Variants in CSMD3 observed in about 807,000 individuals in gnomAD.
CSMD3 encodes CUB and sushi domain-containing protein 3.
Under a neutral mutation model 435.2 loss-of-function variants are expected in CSMD3, and 177 were observed. That is an observed-to-expected ratio of 0.41 (90% CI 0.36 to 0.46). The LOEUF is 0.46. CSMD3 is among the 20% of genes least tolerant of loss of function. The pLI is 0.34. For synonymous variants in CSMD3, 1,656 were observed against 1,520.5 expected (o/e 1.09, Z -2.07); for missense variants, 4,265 against 4,504.6 (o/e 0.95, Z 1.52).
At chr8:112,609,925 A>G (rs1259611146) in intron 22 of CSMD3, among the ~76,000 whole-genome samples, 1 of 152,160 alleles carries the variant, frequency 6.6e-6, no homozygotes, top group Non-Finnish European at 1.5e-5. Context: ...AGACACACAA[A>G]GACAAATGCT....
intron 9 of CSMD3, among the ~76,000 whole-genome samples, chr8:112,926,114 C>T (rs150399112): frequency 1.3e-5 from 2 of 152,188 alleles, no homozygotes; most frequent in East Asian, 3.9e-4. Flanking sequence ...AAATAAGTAG[C>T]CTTTCCAGTA....
chr8:113,019,542 TTA>T (rs1318318505), intron 5 of CSMD3, among the ~76,000 whole-genome samples: 1 of 148,830 alleles, frequency 6.7e-6, no homozygotes, highest in Non-Finnish European at 1.5e-5. Flanking sequence ...TTATTATTTA[TTA>T]TATCTTATTT....
intron 3 of CSMD3, among the ~76,000 whole-genome samples, chr8:113,177,566 A>T (rs1055064546): frequency 6.6e-6 from 1 of 151,960 alleles, no homozygotes; most frequent in Non-Finnish European, 1.5e-5. Flanking sequence ...ATGGGATTGC[A>T]GTAGGGGAGG....
chr8:113,299,819 AC>A (rs2093750607), intron 2 of CSMD3, among the ~76,000 whole-genome samples: 1 of 151,950 alleles, frequency 6.6e-6, no homozygotes, highest in South Asian at 2.1e-4. Context: ...ACCTGGTGAA[AC>A]CCCTCTCTAC....
intron 13 of CSMD3, among the ~76,000 whole-genome samples, chr8:112,714,907 T>C (rs1487771602): frequency 1.3e-5 from 2 of 152,120 alleles, no homozygotes; most frequent in Non-Finnish European, 2.9e-5. Context: ...CCAGAATCTC[T>C]GGGACACAGC....
chr8:112,911,667 G>A (rs948208303), intron 10 of CSMD3, among the ~76,000 whole-genome samples: 1 of 125,518 alleles, frequency 8.0e-6, no homozygotes, highest in African/African-American at 3.0e-5. Context: ...GTGTGTGTGT[G>A]TATTTATGTG....
At chr8:112,721,758 A>T (rs2076863407) in intron 13 of CSMD3, among the ~76,000 whole-genome samples, 1 of 152,114 alleles carries the variant, frequency 6.6e-6, no homozygotes, top group African/African-American at 2.4e-5. Context: ...TTTTGTTTTA[A>T]TGTTTCCTAC....
At chr8:113,033,500 T>C (rs2087208498) in intron 5 of CSMD3, among the ~76,000 whole-genome samples, 1 of 151,516 alleles carries the variant, frequency 6.6e-6, no homozygotes, top group African/African-American at 2.4e-5. Flanking sequence ...AAATTTCTCA[T>C]ACTTGGAATG....
intron 53 of CSMD3, among the ~76,000 whole-genome samples, chr8:112,298,376 C>A (rs1820550376): frequency 6.6e-6 from 1 of 152,036 alleles, no homozygotes; most frequent in Admixed American, 6.6e-5. Flanking sequence ...TAAAAAAGCT[C>A]CTCAATGCTA....
chr8:112,872,515 G>A lies in CSMD3; in HGVS notation c.1634-13249C>T, dbSNP rs569365177. Among the ~76,000 whole-genome samples, 3 of 151,994 alleles carry A rather than the reference G, an allele frequency of 2.0e-5. No individual in the cohort carries two copies. The South Asian group carries it at 6.2e-4, about 32-fold the overall frequency. ...AGCAAATGCAATTCCTATGAAAGAC[G>A]AGAAATATAATGTACAGATTTTTCA... On this transcript the variant is annotated intron_variant, in intron 10 of 70. Coordinates refer to ENST00000297405, the MANE Select transcript of CSMD3 (RefSeq NM_198123.2).
chr8:112,779,504 A>G (rs989153164), intron 13 of CSMD3, among the ~76,000 whole-genome samples: 6 of 152,036 alleles, frequency 3.9e-5, no homozygotes, highest in Non-Finnish European at 2.9e-5. Flanking sequence ...ACCAAGGAGA[A>G]TGAATAATTC....
rs779592212 is a variant in CSMD3, at chr8:112,682,424, A to G, written c.2677+18T>C. On this transcript the variant is annotated intron_variant, in intron 16 of 70. Coordinates refer to ENST00000297405, the MANE Select transcript of CSMD3 (RefSeq NM_198123.2). ...TAATGATGATGAGGTTCTATTTCTC[A>G]CTCACTACTACACTTACCTCCACAT... The G allele has an allele frequency of 6.3e-7, 1 of 1,590,432 alleles. No homozygotes were observed. The highest frequency in any genetic ancestry group is 1.3e-5 in the African/African-American group (1 of 74,534).
intron 3 of CSMD3, among the ~76,000 whole-genome samples, chr8:113,185,737 A>G (rs1354031761): frequency 1.3e-5 from 2 of 149,394 alleles, no homozygotes; most frequent in Admixed American, 6.6e-5. Flanking sequence ...GTGTGCATGC[A>G]TGTGTGCATG....
At chr8:112,286,844 A>C (rs1318415808) in intron 58 of CSMD3, among the ~76,000 whole-genome samples, 1 of 152,112 alleles carries the variant, frequency 6.6e-6, no homozygotes, top group Non-Finnish European at 1.5e-5. Flanking sequence ...TGTTGTGAAC[A>C]ATGTTTGCAT....
At chr8:112,929,527 T>A (rs1384658747) in intron 9 of CSMD3, among the ~76,000 whole-genome samples, 1 of 152,150 alleles carries the variant, frequency 6.6e-6, no homozygotes, top group Non-Finnish European at 1.5e-5. Context: ...GTTTTTATTC[T>A]GCTTTGCTTT....
intron 13 of CSMD3, among the ~76,000 whole-genome samples, chr8:112,711,229 GA>G (rs2076603316): frequency 6.6e-6 from 1 of 151,690 alleles, no homozygotes; most frequent in African/African-American, 2.4e-5. Context: ...TTCACAAGAA[GA>G]AAAAAATTTT....
rs537751931 is a variant in CSMD3, at chr8:113,166,473, C to CCA, written c.709+7247_709+7248dup. ...TGAGCTGAGATTGCACCATTGTACTCCAGCTTGGGCGACAAGAGTGAAACT... is the reference window on the plus strand; with the variant it reads ...TGAGCTGAGATTGCACCATTGTACTCCACAGCTTGGGCGACAAGAGTGAAACT... On this transcript the variant is annotated intron_variant, in intron 4 of 70. Coordinates refer to ENST00000297405, the MANE Select transcript of CSMD3 (RefSeq NM_198123.2). Among the ~76,000 whole-genome samples, 43 of 152,010 alleles carry CCA rather than the reference C, an allele frequency of 2.8e-4. No individual in the cohort carries two copies. In the East Asian group the frequency reaches 7.9e-3, roughly 28 times the overall value.
intron 35 of CSMD3, among the ~76,000 whole-genome samples, chr8:112,398,513 G>A (rs1291460430): frequency 6.6e-6 from 1 of 152,164 alleles, no homozygotes; most frequent in Non-Finnish European, 1.5e-5. Flanking sequence ...GCAGTTCTTT[G>A]CCTGGGCAGA....
At chr8:113,412,164 T>C (rs2094562648) in intron 1 of CSMD3, among the ~76,000 whole-genome samples, 2 of 152,122 alleles carry the variant, frequency 1.3e-5, no homozygotes. Context: ...GAAATGTTTA[T>C]TAAGTCAATC....
Sources: allele counts gnomAD v4.1 joint callset (sites outside exome capture counted in the v4.1 genomes callset), GRCh38; gene constraint gnomAD v4.1.1; transcripts MANE v1.5; gene names NCBI Gene and HGNC (gene_info 2026-07-23, HGNC 2026-07-21).